Variants in EPHA6 observed in about 807,000 individuals in gnomAD.
EPHA6 encodes ephrin type-A receptor 6.
EPHA6 carries 50 observed loss-of-function variants against 112.0 expected under a neutral mutation model. The ratio of observed to expected loss-of-function variants is 0.45; its 90% confidence interval spans 0.36 to 0.56. The LOEUF is 0.56. Ranked by LOEUF, EPHA6 falls within the 20% of genes least tolerant of loss-of-function variation. EPHA6 has a pLI of 0.00. For synonymous variants in EPHA6, 529 were observed against 490.7 expected, an observed-to-expected ratio of 1.08 and a Z score of -1.03; for missense variants, 1,280 against 1,417.4, an observed-to-expected ratio of 0.90 and a Z score of 1.56.
At chr3:97,640,868 T>C (rs752819274) in intron 14 of EPHA6, among the ~76,000 whole-genome samples, 8 of 152,046 alleles carry the variant, frequency 5.3e-5, no homozygotes, top group Non-Finnish European at 1.2e-4. Flanking sequence ...GACAGACCAG[T>C]TAGGCATTAT....
intron 3 of EPHA6, among the ~76,000 whole-genome samples, chr3:97,077,963 C>T (rs894900194): frequency 2.0e-5 from 3 of 152,176 alleles, no homozygotes; most frequent in African/African-American, 7.2e-5. Context: ...CTTGAGGAAT[C>T]GCCACACTGT....
In EPHA6 at chr3:97,244,127, C is replaced by T. The variant is rs2078922392; in HGVS notation, c.1446C>T (p.Phe482=). ...QCEDCGGGLR[F]IPRHTGLINN... The stretch of plus-strand genomic sequence containing the variant: ...AGGACTGTGGTGGAGGACTCCGCTT[C>T]ATCCCAAGACATACAGGCCTGATCA... Residue 482 remains phenylalanine (F), a synonymous_variant, in exon 5 of 18, where the codon TTC becomes TTT. Coordinates refer to ENST00000389672, the MANE Select transcript of EPHA6 (RefSeq NM_001080448.3). 1.2e-6 allele frequency: 2 copies of T among 1,612,968 alleles called. No homozygotes were observed. Among genetic ancestry groups the T allele is most frequent in the Admixed American group, 1.7e-5 (1 of 59,806 alleles).
intron 2 of EPHA6, among the ~76,000 whole-genome samples, chr3:96,954,286 A>C (rs2041669872): frequency 6.6e-6 from 1 of 152,150 alleles, no homozygotes; most frequent in African/African-American, 2.4e-5. Flanking sequence ...AAAACTCTAC[A>C]GTGGTTCAAC....
chr3:97,073,010 C>T (rs1487239859), intron 3 of EPHA6, among the ~76,000 whole-genome samples: 1 of 152,160 alleles, frequency 6.6e-6, no homozygotes, highest in Admixed American at 6.6e-5. Context: ...CTAACAAGCT[C>T]TGTAACTGCT....
At chr3:97,555,250 G>A (rs2093088717) in intron 11 of EPHA6, among the ~76,000 whole-genome samples, 1 of 152,060 alleles carries the variant, frequency 6.6e-6, no homozygotes, top group South Asian at 2.1e-4. Context: ...TCCCTACAAA[G>A]GACATGAACT....
At chr3:97,738,301 C>A (rs1417651117) in intron 16 of EPHA6, among the ~76,000 whole-genome samples, 1 of 151,868 alleles carries the variant, frequency 6.6e-6, no homozygotes, top group East Asian at 1.9e-4. Context: ...AGTGAGTCTG[C>A]ATTAATGGAA....
At chr3:97,032,212 C>A (rs1576357518) in intron 3 of EPHA6, among the ~76,000 whole-genome samples, 1 of 152,056 alleles carries the variant, frequency 6.6e-6, no homozygotes, top group East Asian at 1.9e-4. Context: ...AAACCAAACA[C>A]CGCGTGTTCT....
At chr3:97,733,584 G>A (rs978637792) in intron 15 of EPHA6, among the ~76,000 whole-genome samples, 2 of 151,960 alleles carry the variant, frequency 1.3e-5, no homozygotes, top group African/African-American at 2.4e-5. Flanking sequence ...TGTACTAAAC[G>A]ATAAGCATAG....
At chr3:96,885,564 T>G (rs2037574585) in intron 2 of EPHA6, among the ~76,000 whole-genome samples, 1 of 152,176 alleles carries the variant, frequency 6.6e-6, no homozygotes, top group Non-Finnish European at 1.5e-5. Context: ...GTGGTGTCAG[T>G]TGTGATATCT....
intron 9 of EPHA6, among the ~76,000 whole-genome samples, chr3:97,482,493 G>A (rs571903137): frequency 2.7e-4 from 41 of 152,224 alleles, no homozygotes; most frequent in Non-Finnish European, 4.4e-4. Flanking sequence ...GTCAGGTCTG[G>A]GTATACCTGG....
chr3:97,087,249 A>G (rs1559719433), intron 3 of EPHA6, among the ~76,000 whole-genome samples: 1 of 152,112 alleles, frequency 6.6e-6, no homozygotes, highest in African/African-American at 2.4e-5. Flanking sequence ...CCAGACTGCA[A>G]CAGTCACTAG....
At chr3:96,946,324 C>A (rs1009818680) in intron 2 of EPHA6, among the ~76,000 whole-genome samples, 7 of 151,878 alleles carry the variant, frequency 4.6e-5, no homozygotes, top group African/African-American at 9.7e-5. Context: ...CCCTCCCCCC[C>A]TTCCCCCACC....
At chr3:96,869,889 C>A (rs913498829) in intron 2 of EPHA6, among the ~76,000 whole-genome samples, 4 of 151,942 alleles carry the variant, frequency 2.6e-5, no homozygotes, top group Admixed American at 6.6e-5. Context: ...GATTAGAAAT[C>A]TTTGTGTTTC....
intron 1 of EPHA6, among the ~76,000 whole-genome samples, chr3:96,834,876 A>C (rs1265058479): frequency 6.6e-6 from 1 of 151,936 alleles, no homozygotes; most frequent in Non-Finnish European, 1.5e-5. Flanking sequence ...TTTTGTTTTG[A>C]AGATTTATAG....
At chr3:97,164,743 C>CTA (rs906479680) in intron 3 of EPHA6, among the ~76,000 whole-genome samples, 17 of 152,066 alleles carry the variant, frequency 1.1e-4, no homozygotes, top group Non-Finnish European at 2.1e-4. Flanking sequence ...TTAAGTCTTA[C>CTA]TTTACTTTTT....
At chr3:97,223,796 G>C (rs1463066191) in intron 3 of EPHA6, among the ~76,000 whole-genome samples, 2 of 152,062 alleles carry the variant, frequency 1.3e-5, no homozygotes, top group African/African-American at 4.8e-5. Context: ...AGGTAGGCAG[G>C]GCCAAATCAT....
At chr3:96,946,211 A>G (rs539757895) in intron 2 of EPHA6, among the ~76,000 whole-genome samples, 17 of 152,124 alleles carry the variant, frequency 1.1e-4, no homozygotes, top group African/African-American at 3.6e-4. Context: ...TTTAGGGTAC[A>G]TGTGCACAAC....
At chr3:97,509,326 G>A (rs1014518464) in intron 10 of EPHA6, among the ~76,000 whole-genome samples, 5 of 152,024 alleles carry the variant, frequency 3.3e-5, no homozygotes, top group Non-Finnish European at 5.9e-5. Flanking sequence ...GCCGGTACCG[G>A]TTGTTCCATT....
At chr3:97,482,520 T>C (rs1333852240) in intron 9 of EPHA6, among the ~76,000 whole-genome samples, 5 of 152,184 alleles carry the variant, frequency 3.3e-5, no homozygotes, top group Admixed American at 1.3e-4. Context: ...GCTTTTCTGG[T>C]GCTAATTTGA....
Sources: allele counts gnomAD v4.1 joint callset (sites outside exome capture counted in the v4.1 genomes callset), GRCh38; gene constraint gnomAD v4.1.1; transcripts MANE v1.5; gene names NCBI Gene and HGNC (gene_info 2026-07-23, HGNC 2026-07-21).